GNG7: variants seen among roughly 807,000 people sequenced by gnomAD.
GNG7 encodes G protein subunit gamma 7.
A neutral mutation model predicts 4.0 loss-of-function variants in GNG7; 1 was observed. That is an observed-to-expected ratio of 0.25 (90% CI 0.09 to 1.18). The LOEUF (loss-of-function observed/expected upper bound fraction) is 1.18. Among genes scored for constraint, GNG7 ranks in the 50% most tolerant of loss-of-function variants. The pLI, the probability that GNG7 is intolerant of heterozygous loss-of-function variation, is 0.50. For synonymous variants in GNG7, 34 were observed against 36.9 expected, an observed-to-expected ratio of 0.92 and a Z score of 0.29; for missense variants, 86 against 91.9, an observed-to-expected ratio of 0.94 and a Z score of 0.26.
rs780370247 is a variant in GNG7, at chr19:2,513,515, TC to T, written c.*1506del. On this transcript the variant is annotated 3_prime_UTR_variant, in exon 5 of 5. Transcript: ENST00000382159. ...AGGACGCAGTCATCTTTCAGAAGCC[TC>T]CCCCCGACCCCATGACATCTTCGAT... 2.0e-6 allele frequency: 2 copies of T among 984,920 alleles called. No homozygotes were observed. The highest frequency in any genetic ancestry group is 2.4e-6 in the Non-Finnish European group (2 of 829,918). 61.0% of individuals were successfully genotyped at this position (984,920 alleles called of 1,614,324 possible).
chr19:2,687,880 C>T (rs960702205), intron 1 of GNG7, among the ~76,000 whole-genome samples: 1 of 151,672 alleles, frequency 6.6e-6, no homozygotes, highest in African/African-American at 2.4e-5. Context: ...GAGGCTGAGG[C>T]AGGAGAATCA....
At chr19:2,596,334 G>C (rs1015018264) in intron 2 of GNG7, among the ~76,000 whole-genome samples, 4 of 151,156 alleles carry the variant, frequency 2.6e-5, no homozygotes, top group African/African-American at 9.7e-5. Flanking sequence ...ACTGCAGCCT[G>C]GGCGACAGAG....
At chr19:2,525,206 T>G (rs936593850) in intron 3 of GNG7, among the ~76,000 whole-genome samples, 1 of 151,966 alleles carries the variant, frequency 6.6e-6, no homozygotes, top group Non-Finnish European at 1.5e-5. Flanking sequence ...CCGGGGAAGC[T>G]GTGGGAGGGG....
chr19:2,527,275 C>G (rs989463435), intron 3 of GNG7, among the ~76,000 whole-genome samples: 1 of 152,316 alleles, frequency 6.6e-6, no homozygotes, highest in South Asian at 2.1e-4. Context: ...CTATCAGAAC[C>G]GGGACCCTGA....
chr19:2,675,358 G>C (rs1304426284), intron 1 of GNG7, among the ~76,000 whole-genome samples: 1 of 152,172 alleles, frequency 6.6e-6, no homozygotes, highest in Non-Finnish European at 1.5e-5. Flanking sequence ...CAGGCTCAAG[G>C]GGACACCAGG....
At chr19:2,686,657 G>T (rs553675339) in intron 1 of GNG7, among the ~76,000 whole-genome samples, 1 of 152,256 alleles carries the variant, frequency 6.6e-6, no homozygotes, top group African/African-American at 2.4e-5. Context: ...CGCCAAGATG[G>T]GGAAGACGAC....
rs565046242 is a variant in GNG7, at chr19:2,550,386, G to A, written c.-38+4763C>T. ...ATTACAGGCATCCAACACCAAGCCC[G>A]GCTAATTTTTTTATTTTTTGGTAGA... On this transcript the variant is annotated intron_variant, in intron 3 of 4. Transcript: ENST00000382159. Among the ~76,000 whole-genome samples the A allele has an allele frequency of 3.5e-4, 54 of 152,264 alleles. No homozygotes were observed. In the South Asian group the frequency reaches 7.5e-3, roughly 21 times the overall value.
Position 2,511,722 on chromosome 19 carries a change from G to A in GNG7, c.*3300C>T, listed in dbSNP as rs990140615. ...GCGCCTCGGACACGGTGGCCGGCCCGTCAAAGGGACCACGCAGAAGGAGGG... is the reference window on the plus strand; with the variant it reads ...GCGCCTCGGACACGGTGGCCGGCCCATCAAAGGGACCACGCAGAAGGAGGG... On this transcript the variant is annotated 3_prime_UTR_variant, in exon 5 of 5. Coordinates refer to ENST00000382159, the MANE Select transcript of GNG7 (RefSeq NM_052847.3). The surrounding 1 kb of genome is among the most constrained non-coding windows in gnomAD (Gnocchi z 6.3). The A allele has an allele frequency of 1.3e-5, 11 of 861,954 alleles. No homozygotes were observed. Among genetic ancestry groups the A allele is most frequent in the Non-Finnish European group, 1.5e-5 (11 of 717,156 alleles). 53.4% of individuals were successfully genotyped at this position (861,954 alleles called of 1,614,324 possible).
chr19:2,534,171 T>C (rs1216339250), intron 3 of GNG7, among the ~76,000 whole-genome samples: 3 of 152,148 alleles, frequency 2.0e-5, no homozygotes, highest in African/African-American at 2.4e-5. Context: ...ACTGGTCCAA[T>C]GTCAGTGTGA....
chr19:2,533,409 G>A (rs1160223633), intron 3 of GNG7, among the ~76,000 whole-genome samples: 2 of 152,096 alleles, frequency 1.3e-5, no homozygotes, highest in African/African-American at 4.8e-5. Flanking sequence ...CCTCTGGCCA[G>A]GGTGTTGGCT....
chr19:2,522,830 C>T (rs1187590506), intron 3 of GNG7, among the ~76,000 whole-genome samples: 1 of 148,866 alleles, frequency 6.7e-6, no homozygotes, highest in Non-Finnish European at 1.5e-5. Flanking sequence ...TCTCCAGGGC[C>T]TGGGATGTGT....
chr19:2,559,745 C>T (rs1419629656), intron 2 of GNG7, among the ~76,000 whole-genome samples: 1 of 152,226 alleles, frequency 6.6e-6, no homozygotes, highest in Non-Finnish European at 1.5e-5. Context: ...ATCTCTTGAC[C>T]TCGTGATCCG....
chr19:2,517,253 AT>A (rs1325250174), intron 4 of GNG7, among the ~76,000 whole-genome samples: 1 of 151,830 alleles, frequency 6.6e-6, no homozygotes, highest in African/African-American at 2.4e-5. Flanking sequence ...TCATAGCTCA[AT>A]GCAGCCTCCA....
At chr19:2,616,405 C>T (rs1307383223) in intron 2 of GNG7, among the ~76,000 whole-genome samples, 1 of 151,982 alleles carries the variant, frequency 6.6e-6, no homozygotes, top group Non-Finnish European at 1.5e-5. Flanking sequence ...CCACCGTGCC[C>T]AGCTAATTTT....
intron 2 of GNG7, among the ~76,000 whole-genome samples, chr19:2,568,656 T>G (rs62646525): frequency 1.3e-5 from 2 of 148,922 alleles, no homozygotes; most frequent in Non-Finnish European, 3.0e-5. Context: ...CAAATACACA[T>G]ATACACATAC....
At chr19:2,535,330 A>G (rs143768063) in intron 3 of GNG7, among the ~76,000 whole-genome samples, 1,645 of 151,000 alleles carry the variant, frequency 0.011, 19 homozygotes, top group Non-Finnish European at 0.015. Flanking sequence ...CTCTACAAAA[A>G]AAAAAAAAAA....
chr19:2,551,964 C>T (rs553646728), intron 3 of GNG7, among the ~76,000 whole-genome samples: 3 of 152,284 alleles, frequency 2.0e-5, no homozygotes, highest in East Asian at 3.9e-4. Context: ...GGATTACAGG[C>T]GTGAGCCACG....
rs541182785 is a variant in GNG7 at position 2,675,391 on chromosome 19, C to T, written c.-135+27255G>A. ...AGGAAGGGACAGCTTCGTGACCAAG[C>T]CCGGTGTGACCCACCAAAAATCTGC... is the stretch of plus-strand genomic sequence containing the variant. On this transcript the variant is annotated intron_variant, in intron 1 of 4. Coordinates refer to ENST00000382159, the MANE Select transcript of GNG7 (RefSeq NM_052847.3). Among the ~76,000 whole-genome samples, 4 of 152,290 alleles carry T rather than the reference C, an allele frequency of 2.6e-5. No individual in the cohort carries two copies. The South Asian group carries it at 8.3e-4, about 32-fold the overall frequency.
At chr19:2,640,875 C>T (rs1340113250) in intron 2 of GNG7, among the ~76,000 whole-genome samples, 2 of 152,170 alleles carry the variant, frequency 1.3e-5, no homozygotes, top group Admixed American at 6.5e-5. Flanking sequence ...GCCATCCTCC[C>T]GCCTTGGCCT....
Sources: gnomAD v4.1 joint callset for allele counts (sites outside exome capture counted in the v4.1 genomes callset) on GRCh38, gnomAD v4.1.1 for gene constraint, Gnocchi (gnomAD v3.1) non-coding constraint, MANE v1.5 for transcripts, NCBI Gene and HGNC (gene_info 2026-07-23, HGNC 2026-07-21) for gene names.